Variants in PTPRZ1 observed in about 807,000 individuals in gnomAD.
PTPRZ1 encodes the protein receptor-type tyrosine-protein phosphatase zeta.
In PTPRZ1, 82 loss-of-function variants were observed where a neutral mutation model predicts 214.1. The observed-to-expected ratio is 0.38, with a 90% CI of 0.32 to 0.46. The LOEUF is 0.46. Ranked by LOEUF, PTPRZ1 falls within the 20% of genes least tolerant of loss-of-function variation. The pLI is 1.00. For missense variants in PTPRZ1, 2,603 were observed against 2,748.7 expected (o/e 0.95, Z 1.19); for synonymous variants, 945 against 987.9 (o/e 0.96, Z 0.81).
At chr7:121,924,173 A>G (rs1023368430) in intron 1 of PTPRZ1, among the ~76,000 whole-genome samples, 3 of 152,294 alleles carry the variant, frequency 2.0e-5, no homozygotes, top group Non-Finnish European at 2.9e-5. Context: ...GAAACAAAAT[A>G]TAAAAACTAC....
At chr7:121,924,585 T>C (rs1795702168) in intron 1 of PTPRZ1, among the ~76,000 whole-genome samples, 1 of 152,228 alleles carries the variant, frequency 6.6e-6, no homozygotes. Flanking sequence ...AAATGTTCAT[T>C]GTGTAGGGAT....
At chr7:122,005,819 A>G (rs1798468774) in intron 11 of PTPRZ1, among the ~76,000 whole-genome samples, 2 of 152,034 alleles carry the variant, frequency 1.3e-5, no homozygotes. Flanking sequence ...TCTGTCTTTT[A>G]TATAAGTATT....
rs148629311 is a variant in PTPRZ1 at position 121,899,677 on chromosome 7, A to G, written c.58+26120A>G. On this transcript the variant is annotated intron_variant, in intron 1 of 29. Coordinates refer to ENST00000393386, the MANE Select transcript of PTPRZ1 (RefSeq NM_002851.3). ...ATGCCCTAGACCTGGGGAAAGGACCAGATCTGATTGGAAGACCCTATAGCT... is the reference window on the plus strand; with the variant it reads ...ATGCCCTAGACCTGGGGAAAGGACCGGATCTGATTGGAAGACCCTATAGCT... 5.0e-3 allele frequency among the ~76,000 whole-genome samples: 760 copies of G among 152,294 alleles called. 2 individuals carry two copies. Among genetic ancestry groups the G allele is most frequent in the Non-Finnish European group, 7.9e-3 (535 of 68,004 alleles).
At position 121,976,279 on chromosome 7, in the gene PTPRZ1, T is replaced by G. The variant is rs143156558; in HGVS notation, c.552+11T>G. On this transcript the variant is annotated intron_variant, in intron 5 of 29. Coordinates refer to ENST00000393386, the MANE Select transcript of PTPRZ1 (RefSeq NM_002851.3). ...TCCATTTTGTTTGAGGTAATATATA[T>G]ACACTTTACACTAATGTAATTCCTT... 1.3e-3 allele frequency: 1,881 copies of G among 1,398,670 alleles called. 7 individuals carry two copies. The highest frequency in any genetic ancestry group is 1.8e-3 in the Middle Eastern group (8 of 4,450). The allele number at this position is 1,398,670 out of a possible 1,614,324, so 86.6% of individuals were successfully genotyped here. A position where few individuals can be genotyped will look rare whatever the true frequency, so the allele number is the denominator to read the frequency against.
intron 12 of PTPRZ1, among the ~76,000 whole-genome samples, chr7:122,016,748 T>TAAATG (rs1382440949): frequency 1.3e-5 from 2 of 151,708 alleles, no homozygotes; most frequent in Non-Finnish European, 2.9e-5. Flanking sequence ...TATACATATA[T>TAAATG]AAATGAAATA....
At chr7:121,874,039 G>GACACACACACACACAC (rs10640393) in intron 1 of PTPRZ1, among the ~76,000 whole-genome samples, 1,736 of 147,894 alleles carry the variant, frequency 0.012, 29 homozygotes, top group African/African-American at 0.035. Flanking sequence ...GTGAATTGCA[G>GACACACACACACACAC]ACACACACAC....
intron 2 of PTPRZ1, among the ~76,000 whole-genome samples, chr7:121,931,160 A>G (rs780968510): frequency 5.3e-4 from 81 of 152,182 alleles, no homozygotes; most frequent in African/African-American, 1.8e-3. Context: ...TTTAATTCCT[A>G]AGAATATCAC....
At chr7:122,018,773 T>C (rs1257984226) in intron 12 of PTPRZ1, among the ~76,000 whole-genome samples, 2 of 152,160 alleles carry the variant, frequency 1.3e-5, no homozygotes, top group African/African-American at 4.8e-5. Context: ...AGCGCTGTTT[T>C]TCCTGACCAT....
At chr7:121,943,717 T>C (rs1796298395) in intron 2 of PTPRZ1, among the ~76,000 whole-genome samples, 1 of 152,162 alleles carries the variant, frequency 6.6e-6, no homozygotes, top group Non-Finnish European at 1.5e-5. Flanking sequence ...GAAAAAAGAT[T>C]ACTGGTCCTG....
chr7:122,057,505 C>A (rs1375014044), intron 27 of PTPRZ1, among the ~76,000 whole-genome samples: 1 of 151,356 alleles, frequency 6.6e-6, no homozygotes, highest in Non-Finnish European at 1.5e-5. Context: ...ATGATTTTTG[C>A]CCATTTTTCT....
intron 3 of PTPRZ1, 45 bp downstream of exon 3, chr7:121,968,175 C>A: frequency 6.7e-7 from 1 of 1,499,372 alleles, no homozygotes; most frequent in Non-Finnish European, 9.1e-7. Flanking sequence ...TTTTTCAGAC[C>A]TGGAGTATGT....
chr7:121,911,913 T>C (rs1335275113), intron 1 of PTPRZ1, among the ~76,000 whole-genome samples: 3 of 152,036 alleles, frequency 2.0e-5, no homozygotes, highest in African/African-American at 7.2e-5. Flanking sequence ...TATTTCAGTG[T>C]AAGAACTTAA....
At chr7:121,999,708 T>C (rs1798263401) in intron 10 of PTPRZ1, among the ~76,000 whole-genome samples, 1 of 152,194 alleles carries the variant, frequency 6.6e-6, no homozygotes. Flanking sequence ...CTTTAAACTT[T>C]CTGAATTTTT....
chr7:121,951,982 G>T, intron 2 of PTPRZ1, among the ~76,000 whole-genome samples: 1 of 150,102 alleles, frequency 6.7e-6, no homozygotes, highest in Non-Finnish European at 1.5e-5. Context: ...TTTTTGAGAC[G>T]GAGTCTCGCT....
Position 122,013,707 on chromosome 7 carries a change from G to C in PTPRZ1, c.4661G>C (p.Gly1554Ala). 1.2e-6 allele frequency: 2 copies of C among 1,614,224 alleles called. No individual in the cohort carries two copies. The highest frequency in any genetic ancestry group is 2.2e-5 in the South Asian group (2 of 91,090). Residue 1554 changes from glycine (G) to alanine (A), a missense_variant, in exon 12 of 30, where the codon GGT becomes GCT. Physicochemically the swap from Gly to Ala is moderately conservative, Grantham distance 60. Around this residue, in one of 6 missense-constraint regions of PTPRZ1, gnomAD observed 1,913 missense variants for 1,914.3 expected, o/e 1.00. Coordinates refer to ENST00000393386, the MANE Select transcript of PTPRZ1 (RefSeq NM_002851.3). The part of the protein sequence containing the change: ...TSDEESGSGQ[G>A]TSDSLNENET... The stretch of plus-strand genomic sequence containing the variant: ...GATGAAGAAAGTGGATCAGGGCAAG[G>C]TACCTCAGATAGCCTTAATGAGAAT...
In PTPRZ1 at chr7:122,013,217, AAG is replaced by A; in HGVS notation, c.4172_4173del (p.Lys1391IlefsTer6). On this transcript the variant is annotated frameshift_variant, in exon 12 of 30. Coordinates refer to ENST00000393386, the MANE Select transcript of PTPRZ1 (RefSeq NM_002851.3). LOFTEE classifies it high-confidence loss of function. ...PHRDGSVTST[K>X]LLFPSKATSE... ...CAGAGATGGTTCTGTAACCTCAACA[AAG>A]TTGCTGTTTCCTTCTAAGGCAACTT... The A allele has an allele frequency of 2.5e-6, 4 of 1,614,170 alleles. No individual in the cohort carries two copies. Among genetic ancestry groups the A allele is most frequent in the Non-Finnish European group, 3.4e-6 (4 of 1,180,028 alleles).
chr7:121,976,760 T>C (rs529390598), intron 5 of PTPRZ1, 25 bp from the exon 6 acceptor site: 3 of 1,540,344 alleles, frequency 1.9e-6, no homozygotes, highest in East Asian at 4.6e-5. Flanking sequence ...TATTCTTTTT[T>C]TAGAATGTGA....
At chr7:121,917,722 A>G (rs1795466658) in intron 1 of PTPRZ1, among the ~76,000 whole-genome samples, 1 of 152,160 alleles carries the variant, frequency 6.6e-6, no homozygotes, top group African/African-American at 2.4e-5. Flanking sequence ...TAAATTGTGG[A>G]AATACAAGCA....
At chr7:122,035,763 G>C (rs1231571210) in intron 17 of PTPRZ1, among the ~76,000 whole-genome samples, 1 of 152,126 alleles carries the variant, frequency 6.6e-6, no homozygotes, top group Non-Finnish European at 1.5e-5. Flanking sequence ...TTTTGGTTTG[G>C]TCTGTATTCA....
Sources: allele counts gnomAD v4.1 joint callset (sites outside exome capture counted in the v4.1 genomes callset), GRCh38; gene constraint gnomAD v4.1.1; regional missense constraint gnomAD v4.1.1; transcripts MANE v1.5; gene names NCBI Gene and HGNC (gene_info 2026-07-23, HGNC 2026-07-21).